CHAT: variants seen among roughly 807,000 people sequenced by gnomAD.
CHAT encodes the protein acetyl CoA:choline O-acetyltransferase.
CHAT carries 61 observed loss-of-function variants against 76.9 expected under a neutral mutation model. The observed-to-expected ratio is 0.79, with a 90% confidence interval of 0.65 to 0.98. CHAT has a LOEUF of 0.98. CHAT is among the 50% of genes least tolerant of loss of function. CHAT has a pLI of 0.00. For missense variants in CHAT, 946 were observed against 986.9 expected (o/e 0.96, Z 0.56); for synonymous variants, 407 against 397.4 (o/e 1.02, Z -0.29).
rs925544176 is a variant in CHAT, at chr10:49,666,127, T to C, written c.*1081T>C. On this transcript the variant is annotated 3_prime_UTR_variant, in exon 15 of 15. Coordinates refer to ENST00000337653, the MANE Select transcript of CHAT (RefSeq NM_020549.5). The stretch of plus-strand genomic sequence containing the variant: ...ATCCAGGGACTCTGACAAAAACCCA[T>C]GTGGTAGAGCCTAGAGCAGGGCTCT... Among the ~76,000 whole-genome samples, 1 of 152,130 alleles carries C rather than the reference T, an allele frequency of 6.6e-6. No homozygotes were observed.
chr10:49,614,077 T>C lies in CHAT; in HGVS notation c.-113T>C. 1 of 1,533,504 alleles carries C rather than the reference T, an allele frequency of 6.5e-7. No individual in the cohort carries two copies. Among genetic ancestry groups the C allele is most frequent in the Non-Finnish European group, 8.8e-7 (1 of 1,140,912 alleles). 95.0% of individuals were successfully genotyped at this position (1,533,504 alleles called of 1,614,324 possible). On this transcript the variant is annotated 5_prime_UTR_variant, in exon 1 of 15. Coordinates refer to ENST00000337653, the MANE Select transcript of CHAT (RefSeq NM_020549.5). ...GGCAGGAGGCATGGGCGGGACAGTG[T>C]TCTGTGCCCCCTTCTAGAGCCTAAA...
upstream of CHAT, chr10:49,611,302 G>A (rs747284656): frequency 6.2e-7 from 1 of 1,607,914 alleles, no homozygotes; most frequent in Non-Finnish European, 8.5e-7. Flanking sequence ...GCAGGGCCTG[G>A]GCTCAGCCTT....
chr10:49,667,011 G>A lies in CHAT; in HGVS notation c.*1965G>A, dbSNP rs550124640. 1.1e-4 allele frequency among the ~76,000 whole-genome samples: 16 copies of A among 152,266 alleles called. 1 individual carries two copies. In the South Asian group the frequency reaches 3.3e-3, roughly 32 times the overall value. On this transcript the variant is annotated 3_prime_UTR_variant, in exon 15 of 15. Transcript: ENST00000337653. ...GGGGCCAGGCAGCCCCACCAACCTC[G>A]GCCAAATGACATGCATGCCCAGAGA...
In CHAT at chr10:49,647,126, G is replaced by A. The variant is rs1341167037; in HGVS notation, c.1281+452G>A. The A allele has an allele frequency of 3.4e-5, 7 of 206,982 alleles. No homozygotes were observed. The East Asian group carries it at 4.6e-4, about 14-fold the overall frequency. The allele number at this position is 206,982 out of a possible 1,614,324, so 12.8% of individuals were successfully genotyped here. On this transcript the variant is annotated intron_variant, in intron 8 of 14. Coordinates refer to ENST00000337653, the MANE Select transcript of CHAT (RefSeq NM_020549.5). ...GTCAGCTTTTTGGATGTCCACCCCC[G>A]TGGCCTGGCGATTTCAACATACCTC...
intron 7 of CHAT, among the ~76,000 whole-genome samples, chr10:49,636,396 G>C (rs1006614798): frequency 6.6e-6 from 1 of 151,970 alleles, no homozygotes; most frequent in African/African-American, 2.4e-5. Flanking sequence ...TTCATATATT[G>C]CTTAATTCTA....
chr10:49,634,073 G>A (rs761881732), intron 7 of CHAT, among the ~76,000 whole-genome samples: 11 of 152,270 alleles, frequency 7.2e-5, no homozygotes, highest in African/African-American at 9.6e-5. Context: ...AATACCTCCC[G>A]AGCTCTCAAG....
At chr10:49,654,914 G>A (rs1839984934) in intron 11 of CHAT, among the ~76,000 whole-genome samples, 181 bp from the exon 12 acceptor site, 1 of 152,118 alleles carries the variant, frequency 6.6e-6, no homozygotes, top group Admixed American at 6.5e-5. Flanking sequence ...CTCCATGTGG[G>A]AGACTCCCCA....
intron 10 of CHAT, among the ~76,000 whole-genome samples, chr10:49,650,554 G>C (rs1482283093): frequency 6.6e-6 from 1 of 152,168 alleles, no homozygotes; most frequent in African/African-American, 2.4e-5. Context: ...AATGATGAAG[G>C]CTGGTTTGGA....
At chr10:49,654,956 T>C (rs1196056693) in intron 11 of CHAT, 139 bp from the exon 12 acceptor site, 6 of 950,488 alleles carry the variant, frequency 6.3e-6, no homozygotes, top group African/African-American at 1.6e-5. Flanking sequence ...TCTAGAATTC[T>C]ATTAATATTA....
intron 13 of CHAT, 67 bp from the exon 14 acceptor site, chr10:49,662,578 G>T (rs1172533319): frequency 1.3e-6 from 2 of 1,599,492 alleles, no homozygotes; most frequent in Non-Finnish European, 1.7e-6. Flanking sequence ...GTAGACTACA[G>T]AGCAGGGAAC....
Position 49,664,986 on chromosome 10 carries a change from G to A in CHAT, c.2187G>A (p.Glu729=), listed in dbSNP as rs754935493. The A allele has an allele frequency of 3.1e-6, 5 of 1,614,222 alleles. No individual in the cohort carries two copies. In the South Asian group the frequency reaches 4.4e-5, roughly 14 times the overall value. Residue 729 remains glutamate, a synonymous_variant, in exon 15 of 15, where the codon GAG becomes GAA. Transcript: ENST00000337653. ...TCTGCAGTCTGCTGCCGCCTACTGA[G>A]AGCAAGCCATTGGCAACAAAGGAAA... is the stretch of plus-strand genomic sequence containing the variant. ...RDLCSLLPPT[E]SKPLATKEKA...
rs549892906 is a variant in CHAT, at chr10:49,655,516, C to A, written c.1839+68C>A. ...TGCCTGGGGCCTGCCAGAATGGGCA[C>A]CACGGCATAAGACCCTGTGTGAGGG... is the stretch of plus-strand genomic sequence containing the variant. On this transcript the variant is annotated intron_variant, in intron 13 of 14. Coordinates refer to ENST00000337653, the MANE Select transcript of CHAT (RefSeq NM_020549.5). 311 of 1,496,244 alleles carry A rather than the reference C, an allele frequency of 2.1e-4. 7 individuals are homozygous for A. In the South Asian group the frequency reaches 3.2e-3, roughly 15 times the overall value. The allele number at this position is 1,496,244 out of a possible 1,614,324, so 92.7% of individuals were successfully genotyped here. A position where few individuals can be genotyped will look rare whatever the true frequency, so the allele number is the denominator to read the frequency against.
At chr10:49,613,813 G>A (rs757472590), upstream of CHAT, among the ~76,000 whole-genome samples, 15 of 152,184 alleles carry the variant, frequency 9.9e-5, no homozygotes, top group Non-Finnish European at 1.5e-4. Flanking sequence ...AGTGCCAGCA[G>A]GAATGGGATG....
At chr10:49,610,046 G>A (rs1284599530), upstream of CHAT, among the ~76,000 whole-genome samples, 2 of 151,958 alleles carry the variant, frequency 1.3e-5, no homozygotes, top group Admixed American at 6.5e-5. Context: ...GGGGCGGGGG[G>A]CAGAGGGCCA....
chr10:49,611,713 TG>T, upstream of CHAT: 7 of 1,607,526 alleles, frequency 4.4e-6, no homozygotes, highest in Non-Finnish European at 5.9e-6. Context: ...GGCTTCCGAG[TG>T]GGAGATGGGC....
intron 11 of CHAT, among the ~76,000 whole-genome samples, chr10:49,652,707 A>G (rs1358297130): frequency 6.6e-6 from 1 of 152,198 alleles, no homozygotes; most frequent in Non-Finnish European, 1.5e-5. Context: ...GCGCCTTCAC[A>G]CCAGGCTTAG....
At chr10:49,657,817 G>A (rs1840079008) in intron 13 of CHAT, among the ~76,000 whole-genome samples, 1 of 152,210 alleles carries the variant, frequency 6.6e-6, no homozygotes, top group African/African-American at 2.4e-5. Context: ...GGGGCCCACA[G>A]TGAAAGAGCC....
intron 7 of CHAT, among the ~76,000 whole-genome samples, chr10:49,641,855 G>T (rs754478790): frequency 1.3e-5 from 2 of 152,190 alleles, no homozygotes; most frequent in Non-Finnish European, 2.9e-5. Context: ...TATGTCCGGG[G>T]GTACTTGTGC....
At position 49,665,098 on chromosome 10, in the gene CHAT, C is replaced by T. The variant is rs755519156; in HGVS notation, c.*52C>T. 3.1e-6 allele frequency: 5 copies of T among 1,599,134 alleles called. No individual in the cohort carries two copies. Among genetic ancestry groups the T allele is most frequent in the South Asian group, 2.2e-5 (2 of 90,684 alleles). ...AACCCAGCCTCTAGAACAGCCAGAC[C>T]CTGCAGATCCCCACTCCCGTCCCTT... On this transcript the variant is annotated 3_prime_UTR_variant, in exon 15 of 15. Transcript: ENST00000337653.
Sources: allele counts gnomAD v4.1 joint callset (sites outside exome capture counted in the v4.1 genomes callset), GRCh38; gene constraint gnomAD v4.1.1; transcripts MANE v1.5; gene names NCBI Gene and HGNC (gene_info 2026-07-23, HGNC 2026-07-21).